The following RANBP2 variants were observed in gnomAD, a reference collection of about 807,000 sequenced individuals.
The protein encoded by RANBP2 is E3 SUMO-protein ligase RanBP2.
RANBP2 carries 57 observed loss-of-function variants against 303.6 expected under a neutral mutation model. The observed-to-expected ratio is 0.19, with a 90% confidence interval of 0.15 to 0.23. RANBP2 has a LOEUF of 0.23. Among genes scored for constraint, RANBP2 ranks in the 10% least tolerant of loss-of-function variants. RANBP2 has a pLI of 1.00. For synonymous variants in RANBP2, 1,167 were observed against 1,301.5 expected, an observed-to-expected ratio of 0.90 and a Z score of 2.23; for missense variants, 3,138 against 3,780.8, an observed-to-expected ratio of 0.83 and a Z score of 4.46.
At chr2:109,428,301 C>G in the RANBP2 span, among the ~76,000 whole-genome samples, 1 of 152,270 alleles carries the variant, frequency 6.6e-6, no homozygotes, top group African/African-American at 2.4e-5. Flanking sequence ...TTGGTTTACT[C>G]TGATTAGAGC....
the RANBP2 span, among the ~76,000 whole-genome samples, chr2:109,056,132 G>A: frequency 1.3e-5 from 2 of 152,000 alleles, no homozygotes; most frequent in Non-Finnish European, 2.9e-5. Flanking sequence ...CCTTAAAACA[G>A]GGGCTTTGGG....
At chr2:109,309,623 C>T in the RANBP2 span, among the ~76,000 whole-genome samples, 33 of 96,470 alleles carry the variant, frequency 3.4e-4, 3 homozygotes, top group Admixed American at 2.7e-3. Flanking sequence ...CGTGCAGAGA[C>T]ACACATAGGC....
chr2:109,092,100 C>G, the RANBP2 span, among the ~76,000 whole-genome samples: 7 of 152,104 alleles, frequency 4.6e-5, no homozygotes, highest in African/African-American at 1.7e-4. Context: ...GGAAGGCCTT[C>G]TGTCTGTCTC....
chr2:109,484,323 T>TC, the RANBP2 span, among the ~76,000 whole-genome samples: 1 of 152,154 alleles, frequency 6.6e-6, no homozygotes, highest in African/African-American at 2.4e-5. Flanking sequence ...CACCTTGGCC[T>TC]CCCAAAGTGC....
chr2:108,755,250 G>T lies in RANBP2; in HGVS notation c.2457G>T (p.Glu819Asp), dbSNP rs1322037077. ...SLLKMICQQV[E>D]AIKKEMQELK... The stretch of plus-strand genomic sequence containing the variant: ...TGAAAATGATTTGCCAACAAGTAGA[G>T]GCCATTAAGGTAAGTCACTTAATTT... Residue 819 changes from glutamate (E) to aspartate (D), a missense_variant, in exon 17 of 29, where the codon GAG becomes GAT. By Grantham distance (45) the Glu-to-Asp change is conservative. Coordinates refer to ENST00000283195, the MANE Select transcript of RANBP2 (RefSeq NM_006267.5). 2 of 1,611,758 alleles carry T rather than the reference G, an allele frequency of 1.2e-6. No homozygotes were observed. Among genetic ancestry groups the T allele is most frequent in the East Asian group, 4.5e-5 (2 of 44,870 alleles).
chr2:109,474,163 C>T, the RANBP2 span, among the ~76,000 whole-genome samples: 4 of 152,142 alleles, frequency 2.6e-5, no homozygotes, highest in Admixed American at 2.6e-4. Context: ...TTGGCCGCAC[C>T]TGCGTAAGAG....
At chr2:109,142,734 G>T in the RANBP2 span, among the ~76,000 whole-genome samples, 14 of 152,184 alleles carry the variant, frequency 9.2e-5, no homozygotes, top group African/African-American at 2.7e-4. Flanking sequence ...CTGATCGTTG[G>T]TGTCCTCTGG....
chr2:109,664,742 T>C, the RANBP2 span, among the ~76,000 whole-genome samples: 1 of 152,018 alleles, frequency 6.6e-6, no homozygotes, highest in Non-Finnish European at 1.5e-5. Flanking sequence ...CCAGCCTGGC[T>C]AACATGGTGA....
chr2:109,598,322 C>G, the RANBP2 span, among the ~76,000 whole-genome samples: 11 of 151,994 alleles, frequency 7.2e-5, no homozygotes, highest in African/African-American at 9.7e-5. Flanking sequence ...CCCACCTCAG[C>G]CTCCCAAAGT....
the RANBP2 span, among the ~76,000 whole-genome samples, chr2:108,954,310 A>G: frequency 6.6e-6 from 1 of 152,190 alleles, no homozygotes; most frequent in African/African-American, 2.4e-5. Context: ...CCCAAGATAT[A>G]TGGGCTGCCA....
At chr2:108,987,487 G>A in the RANBP2 span, among the ~76,000 whole-genome samples, 1 of 152,256 alleles carries the variant, frequency 6.6e-6, no homozygotes, top group Non-Finnish European at 1.5e-5. Context: ...TGACATGTCT[G>A]TGCTTCACAA....
chr2:109,671,107 C>T, the RANBP2 span, among the ~76,000 whole-genome samples: 1 of 152,220 alleles, frequency 6.6e-6, no homozygotes, highest in African/African-American at 2.4e-5. Context: ...CCACTTCCTG[C>T]AACCTGGTCT....
the RANBP2 span, among the ~76,000 whole-genome samples, chr2:108,961,365 T>A: frequency 6.6e-6 from 1 of 151,984 alleles, no homozygotes; most frequent in African/African-American, 2.4e-5. Flanking sequence ...CCTCACTCAC[T>A]CAAGGGCATC....
At chr2:108,910,140 T>A in the RANBP2 span, among the ~76,000 whole-genome samples, 2 of 152,174 alleles carry the variant, frequency 1.3e-5, no homozygotes, top group Non-Finnish European at 2.9e-5. Flanking sequence ...CAGGCATGCA[T>A]CCTTGGCTTT....
the RANBP2 span, among the ~76,000 whole-genome samples, chr2:109,492,750 CCT>C: frequency 2.9e-4 from 44 of 152,250 alleles, no homozygotes; most frequent in Non-Finnish European, 4.3e-4. Flanking sequence ...CCCTGAGCTA[CCT>C]CTCTGTAGGG....
chr2:109,536,325 A>G, the RANBP2 span, among the ~76,000 whole-genome samples: 2 of 152,190 alleles, frequency 1.3e-5, no homozygotes, highest in Non-Finnish European at 2.9e-5. Context: ...GACCATGGGA[A>G]CCCACCTCTT....
the RANBP2 span, among the ~76,000 whole-genome samples, chr2:109,000,770 AC>A: frequency 6.6e-6 from 1 of 152,166 alleles, no homozygotes; most frequent in Non-Finnish European, 1.5e-5. Context: ...CTTATCTCAT[AC>A]AACCCTTACT....
chr2:109,478,697 G>GA, the RANBP2 span, among the ~76,000 whole-genome samples: 5 of 152,154 alleles, frequency 3.3e-5, no homozygotes, highest in African/African-American at 1.2e-4. Context: ...GGGGAAGGGA[G>GA]AGAGGGGGAG....
the RANBP2 span, among the ~76,000 whole-genome samples, chr2:109,694,326 A>G: frequency 6.6e-6 from 1 of 151,888 alleles, no homozygotes; most frequent in Non-Finnish European, 1.5e-5. Context: ...CCATGACTGG[A>G]AGCTTCCTGA....
Sources: gnomAD v4.1 joint callset for allele counts (sites outside exome capture counted in the v4.1 genomes callset) on GRCh38, gnomAD v4.1.1 for gene constraint, MANE v1.5 for transcripts, NCBI Gene and HGNC (gene_info 2026-07-23, HGNC 2026-07-21) for gene names.